The following SRC variants were observed in gnomAD, a reference collection of about 807,000 sequenced individuals.
SRC encodes proto-oncogene tyrosine-protein kinase Src.
SRC carries 13 observed loss-of-function variants against 62.9 expected under a neutral mutation model. The ratio of observed to expected loss-of-function variants is 0.21; its 90% CI spans 0.13 to 0.33. The LOEUF is 0.33. Among genes scored for constraint, SRC ranks in the 10% least tolerant of loss-of-function variants. SRC has a pLI of 1.00. For missense variants in SRC, 457 were observed against 737.3 expected (o/e 0.62, Z 4.40); for synonymous variants, 302 against 317.5 (o/e 0.95, Z 0.52).
intron 1 of SRC, among the ~76,000 whole-genome samples, chr20:37,363,504 C>T (rs570452408): frequency 6.6e-6 from 1 of 152,346 alleles, no homozygotes; most frequent in South Asian, 2.1e-4. Context: ...GGCTGGTATC[C>T]TGGCTGTCTG....
intron 2 of SRC, among the ~76,000 whole-genome samples, chr20:37,371,563 T>G (rs531030810): frequency 6.6e-6 from 1 of 152,262 alleles, no homozygotes; most frequent in Admixed American, 6.5e-5. Flanking sequence ...GCTTTTTATT[T>G]TTTATTTCAT....
In SRC at chr20:37,404,642, C is replaced by G. The variant is rs893462610; in HGVS notation, c.*1263C>G. The G allele has an allele frequency of 2.6e-5, 6 of 233,648 alleles. No homozygotes were observed. Among genetic ancestry groups the G allele is most frequent in the African/African-American group, 1.3e-4 (6 of 45,368 alleles). 14.5% of individuals were successfully genotyped at this position (233,648 alleles called of 1,614,324 possible). On this transcript the variant is annotated 3_prime_UTR_variant, in exon 14 of 14. Coordinates refer to ENST00000373578, the MANE Select transcript of SRC (RefSeq NM_198291.3). ...GCTGTGTAACCTTGGGTGGCCCCTG[C>G]TGTCTCTCTGGGCTGCAGAGTCTGC... is the stretch of plus-strand genomic sequence containing the variant.
At chr20:37,346,710 G>C (rs1293020288) in intron 1 of SRC, among the ~76,000 whole-genome samples, 2 of 152,258 alleles carry the variant, frequency 1.3e-5, no homozygotes, top group East Asian at 3.9e-4. Context: ...AGGGGCCCCG[G>C]GGTCAGGGCG....
rs2070767435 is a variant in SRC at position 37,403,117 on chromosome 20, C to G, written c.1403-54C>G. Reference sequence around the variant, plus strand: ...TCGCTGCCCTCCCCATCAGCTTCCCCCACCCCACTTTCCTCACCGGAGCCG... The same window carrying G: ...TCGCTGCCCTCCCCATCAGCTTCCCGCACCCCACTTTCCTCACCGGAGCCG... On this transcript the variant is annotated intron_variant, in intron 13 of 13. Transcript: ENST00000373578. This position sits in a 1 kb window ranked among gnomAD's most constrained non-coding sequence, Gnocchi z 7.1. The G allele has an allele frequency of 1.6e-5, 23 of 1,480,738 alleles. No homozygotes were observed. The highest frequency in any genetic ancestry group is 1.5e-5 in the Non-Finnish European group (17 of 1,112,424). The allele number at this position is 1,480,738 out of a possible 1,614,324, so 91.7% of individuals were successfully genotyped here. A position where few individuals can be genotyped will look rare whatever the true frequency, so the allele number is the denominator to read the frequency against.
chr20:37,363,807 G>A (rs2070016837), intron 1 of SRC, among the ~76,000 whole-genome samples: 1 of 152,212 alleles, frequency 6.6e-6, no homozygotes, highest in Non-Finnish European at 1.5e-5. Context: ...GACATGCAGA[G>A]CGTTAGGGAT....
intron 2 of SRC, among the ~76,000 whole-genome samples, chr20:37,379,661 G>A (rs2070331516): frequency 6.7e-6 from 1 of 149,882 alleles, no homozygotes; most frequent in East Asian, 2.0e-4. Flanking sequence ...GAGGCGAAGG[G>A]TGCAGTGAGC....
At chr20:37,356,137 G>A (rs2069878670) in intron 1 of SRC, among the ~76,000 whole-genome samples, 1 of 152,172 alleles carries the variant, frequency 6.6e-6, no homozygotes, top group Non-Finnish European at 1.5e-5. Flanking sequence ...TGGAGGGAGT[G>A]GGTCAGGGAA....
chr20:37,356,807 G>A (rs925766900), intron 1 of SRC, among the ~76,000 whole-genome samples: 3 of 151,996 alleles, frequency 2.0e-5, no homozygotes, highest in African/African-American at 7.3e-5. Flanking sequence ...CTGGACTCTA[G>A]ACAGGGGGAG....
chr20:37,359,635 C>G (rs1402888678), intron 1 of SRC, among the ~76,000 whole-genome samples: 2 of 152,026 alleles, frequency 1.3e-5, no homozygotes, highest in African/African-American at 4.8e-5. Context: ...GCCAGGGGAA[C>G]AGAGTGAGAA....
chr20:37,353,166 C>G (rs948242359), intron 1 of SRC, among the ~76,000 whole-genome samples: 9 of 152,194 alleles, frequency 5.9e-5, no homozygotes, highest in Non-Finnish European at 1.0e-4. Flanking sequence ...GGGGCTGAGA[C>G]AGACAGAACC....
intron 7 of SRC, 126 bp downstream of exon 7, chr20:37,394,403 T>C: frequency 2.6e-6 from 2 of 768,260 alleles, no homozygotes; most frequent in South Asian, 3.3e-5. Flanking sequence ...GTGGAGGTAA[T>C]GGCAGGATCA....
In SRC at chr20:37,351,051, C is replaced by T. The variant is rs1001974604; in HGVS notation, c.-247+4796C>T. The stretch of plus-strand genomic sequence containing the variant: ...ACTCTCCCCAGCCAGCCAGCCTCCT[C>T]CTTCCCACAGTACAGCCTGGTAAGG... On this transcript the variant is annotated intron_variant, in intron 1 of 13. Coordinates refer to ENST00000373578, the MANE Select transcript of SRC (RefSeq NM_198291.3). This position sits in a 1 kb window ranked among gnomAD's most constrained non-coding sequence, Gnocchi z 4.4. Among the ~76,000 whole-genome samples, 3 of 152,226 alleles carry T rather than the reference C, an allele frequency of 2.0e-5. No homozygotes were observed. The highest frequency in any genetic ancestry group is 7.2e-5 in the African/African-American group (3 of 41,446).
intron 1 of SRC, among the ~76,000 whole-genome samples, chr20:37,361,758 AG>A (rs1195579569): frequency 6.6e-6 from 1 of 152,144 alleles, no homozygotes; most frequent in African/African-American, 2.4e-5. Flanking sequence ...GACACTGAGC[AG>A]GGGCAGGGCA....
chr20:37,392,445 T>C (rs2070566355), intron 5 of SRC, among the ~76,000 whole-genome samples: 1 of 152,072 alleles, frequency 6.6e-6, no homozygotes, highest in Non-Finnish European at 1.5e-5. Context: ...CATGTTCAGA[T>C]TGTGTGACTG....
At position 37,402,189 on chromosome 20, in the gene SRC, G is replaced by A; in HGVS notation, c.1117-246G>A. 1 of 452,438 alleles carries A rather than the reference G, an allele frequency of 2.2e-6. No homozygotes were observed. Among genetic ancestry groups the A allele is most frequent in the Non-Finnish European group, 3.9e-6 (1 of 256,486 alleles). The allele number at this position is 452,438 out of a possible 1,614,324, so 28.0% of individuals were successfully genotyped here. Reference sequence around the variant, plus strand: ...GTCACCTCGCTTTCCTGGCTGCATCGGATCTCGTGCCTCCCCTTTGACCTT... The same window carrying A: ...GTCACCTCGCTTTCCTGGCTGCATCAGATCTCGTGCCTCCCCTTTGACCTT... On this transcript the variant is annotated intron_variant, in intron 11 of 13. Transcript: ENST00000373578. This position sits in a 1 kb window ranked among gnomAD's most constrained non-coding sequence, Gnocchi z 6.2.
rs1399169397 is a variant in SRC at position 37,402,403 on chromosome 20, C to T, written c.1117-32C>T. On this transcript the variant is annotated intron_variant, in intron 11 of 13. Coordinates refer to ENST00000373578, the MANE Select transcript of SRC (RefSeq NM_198291.3). The surrounding 1 kb of genome is among the most constrained non-coding windows in gnomAD (Gnocchi z 6.2). ...TGGCCCTGGGAGGGCATGGGTGGCA[C>T]CTGAGCCAGGCTCCCACGGTTCCGC... 3 of 1,602,894 alleles carry T rather than the reference C, an allele frequency of 1.9e-6. No homozygotes were observed. The Admixed American group carries it at 5.1e-5, about 27-fold the overall frequency.
chr20:37,378,525 A>T (rs1368300234), intron 2 of SRC, among the ~76,000 whole-genome samples: 1 of 152,024 alleles, frequency 6.6e-6, no homozygotes, highest in Non-Finnish European at 1.5e-5. Context: ...CCCAGAGGAG[A>T]TTCTACCCTG....
In SRC at chr20:37,402,521, G is replaced by C; in HGVS notation, c.1203G>C (p.Leu401=). The part of the protein sequence containing the change: ...RAANILVGEN[L]VCKVADFGLA... ...CCAACATCCTGGTGGGAGAGAACCT[G>C]GTGTGCAAAGTGGCGGACTTTGGGC... The change falls in exon 12 of 14, where the codon CTG becomes CTC. Residue 401 remains leucine, a synonymous_variant. Coordinates refer to ENST00000373578, the MANE Select transcript of SRC (RefSeq NM_198291.3). The surrounding 1 kb of genome is among the most constrained non-coding windows in gnomAD (Gnocchi z 6.2). 1 of 1,614,072 alleles carries C rather than the reference G, an allele frequency of 6.2e-7. No homozygotes were observed. Among genetic ancestry groups the C allele is most frequent in the South Asian group, 1.1e-5 (1 of 91,060 alleles).
intron 2 of SRC, among the ~76,000 whole-genome samples, chr20:37,380,173 C>A (rs2070345191): frequency 6.6e-6 from 1 of 152,096 alleles, no homozygotes; most frequent in African/African-American, 2.4e-5. Context: ...CAAGGACGTT[C>A]TGCTCGGAGC....
Sources: allele counts gnomAD v4.1 joint callset (sites outside exome capture counted in the v4.1 genomes callset), GRCh38; gene constraint gnomAD v4.1.1; non-coding constraint Gnocchi (gnomAD v3.1); transcripts MANE v1.5; gene names NCBI Gene and HGNC (gene_info 2026-07-23, HGNC 2026-07-21).